CDYL2: variants seen among roughly 807,000 people sequenced by gnomAD.
The protein encoded by CDYL2 is chromodomain Y like 2.
In CDYL2, 23 loss-of-function variants were observed where a neutral mutation model predicts 49.4. That is an observed-to-expected ratio of 0.47 (90% CI 0.34 to 0.66). CDYL2 has a LOEUF of 0.66. Among genes scored for constraint, CDYL2 ranks in the 30% least tolerant of loss-of-function variants. The pLI is 0.01. For synonymous variants in CDYL2, 360 were observed against 268.8 expected, an observed-to-expected ratio of 1.34 and a Z score of -3.32; for missense variants, 678 against 656.4, an observed-to-expected ratio of 1.03 and a Z score of -0.36.
At chr16:80,691,510 G>A (rs7186836) in intron 1 of CDYL2, among the ~76,000 whole-genome samples, 7,075 of 152,226 alleles carry the variant, frequency 0.046, 247 homozygotes, top group African/African-American at 0.1. Flanking sequence ...GGGACTCTGT[G>A]GCATCCAAGT....
At chr16:80,631,840 T>C (rs28641984) in intron 3 of CDYL2, among the ~76,000 whole-genome samples, 8,500 of 152,216 alleles carry the variant, frequency 0.056, 725 homozygotes, top group African/African-American at 0.18. Flanking sequence ...CACAATGAGA[T>C]ACCACCTCAC....
intron 1 of CDYL2, among the ~76,000 whole-genome samples, chr16:80,745,617 G>T (rs779364980): frequency 2.1e-4 from 32 of 152,164 alleles, no homozygotes; most frequent in Non-Finnish European, 7.3e-5. Context: ...GTAAACGTCA[G>T]CTGTTATAAT....
At chr16:80,782,530 GAA>G (rs1188248662) in intron 1 of CDYL2, among the ~76,000 whole-genome samples, 1 of 35,802 alleles carries the variant, frequency 2.8e-5, no homozygotes, top group African/African-American at 9.2e-5. Context: ...GACATAAGGA[GAA>G]AAAAAAAAAA....
intron 1 of CDYL2, among the ~76,000 whole-genome samples, chr16:80,696,684 T>C (rs757559120): frequency 2.0e-5 from 3 of 149,514 alleles, no homozygotes; most frequent in Non-Finnish European, 4.5e-5. Flanking sequence ...GAAACCTGAA[T>C]AGACCAATTA....
At chr16:80,638,533 G>C (rs951364925) in intron 2 of CDYL2, among the ~76,000 whole-genome samples, 1 of 152,132 alleles carries the variant, frequency 6.6e-6, no homozygotes, top group East Asian at 1.9e-4. Context: ...TGATGAGTAA[G>C]AATCCACCTG....
At chr16:80,699,490 C>G (rs1428274650) in intron 1 of CDYL2, among the ~76,000 whole-genome samples, 3 of 151,364 alleles carry the variant, frequency 2.0e-5, no homozygotes, top group South Asian at 2.1e-4. Context: ...GAGAGTAGAA[C>G]AGTAGTTACT....
At chr16:80,771,947 A>AG (rs1399788436) in intron 1 of CDYL2, among the ~76,000 whole-genome samples, 1 of 152,182 alleles carries the variant, frequency 6.6e-6, no homozygotes, top group African/African-American at 2.4e-5. Context: ...ACTGCATATG[A>AG]GGGGAACACC....
chr16:80,804,816 G>A (rs1483884884), upstream of CDYL2, among the ~76,000 whole-genome samples: 1 of 151,246 alleles, frequency 6.6e-6, no homozygotes. Context: ...GCGAAGGGGC[G>A]GCCGGGGAGC....
chr16:80,766,180 T>C (rs1266797149), intron 1 of CDYL2, among the ~76,000 whole-genome samples: 1 of 151,932 alleles, frequency 6.6e-6, no homozygotes, highest in Non-Finnish European at 1.5e-5. Context: ...ATTACGATAA[T>C]GGCTGCACAA....
At chr16:80,670,958 T>G (rs1249944775) in intron 2 of CDYL2, 1 of 455,850 alleles carries the variant, frequency 2.2e-6, no homozygotes, top group East Asian at 7.0e-5. Flanking sequence ...TGGAATAACA[T>G]GAATATCTAA....
chr16:80,761,903 G>C (rs1268425100), intron 1 of CDYL2, among the ~76,000 whole-genome samples: 1 of 133,046 alleles, frequency 7.5e-6, no homozygotes, highest in East Asian at 2.2e-4. Context: ...AAAAAACAAA[G>C]ACTGGCCAGG....
intron 2 of CDYL2, among the ~76,000 whole-genome samples, chr16:80,635,814 T>C (rs1443154649): frequency 6.6e-6 from 1 of 152,130 alleles, no homozygotes; most frequent in Non-Finnish European, 1.5e-5. Context: ...CTTCAAACTA[T>C]ACTACAAAGC....
chr16:80,616,161 A>G (rs1373044031), intron 4 of CDYL2, among the ~76,000 whole-genome samples: 1 of 152,222 alleles, frequency 6.6e-6, no homozygotes, highest in Admixed American at 6.5e-5. Context: ...GTGAAGTCTC[A>G]GTTCTGCCCC....
intron 1 of CDYL2, among the ~76,000 whole-genome samples, chr16:80,739,286 G>C (rs1905649916): frequency 6.6e-6 from 1 of 152,216 alleles, no homozygotes. Flanking sequence ...AATGGGGACA[G>C]AGATTCAGTT....
intron 1 of CDYL2, among the ~76,000 whole-genome samples, chr16:80,741,495 A>G (rs2142551958): frequency 6.6e-6 from 1 of 152,318 alleles, no homozygotes; most frequent in East Asian, 1.9e-4. Context: ...TATGGGGAAA[A>G]TATTTGCAGC....
At chr16:80,716,580 G>A (rs377209969) in intron 1 of CDYL2, among the ~76,000 whole-genome samples, 5 of 152,208 alleles carry the variant, frequency 3.3e-5, no homozygotes, top group South Asian at 2.1e-4. Flanking sequence ...CTGAATGAAT[G>A]GACAGACAGA....
intron 2 of CDYL2, among the ~76,000 whole-genome samples, chr16:80,642,023 T>A (rs4889183): frequency 4.6e-5 from 7 of 151,850 alleles, no homozygotes; most frequent in Non-Finnish European, 1.0e-4. Flanking sequence ...CTACTCTTAT[T>A]AAATAGAAAG....
At chr16:80,788,853 AAAGGACT>A (rs1362665780) in intron 1 of CDYL2, among the ~76,000 whole-genome samples, 1 of 152,188 alleles carries the variant, frequency 6.6e-6, no homozygotes, top group Non-Finnish European at 1.5e-5. Context: ...TGCCCTCATC[AAAGGACT>A]AATACCCAGA....
At chr16:80,698,010 A>G in intron 1 of CDYL2, among the ~76,000 whole-genome samples, 1 of 151,296 alleles carries the variant, frequency 6.6e-6, no homozygotes, top group Admixed American at 6.6e-5. Context: ...CTATAAAAAT[A>G]CCAATGACAT....
Sources: allele counts gnomAD v4.1 joint callset (sites outside exome capture counted in the v4.1 genomes callset), GRCh38; gene constraint gnomAD v4.1.1; transcripts MANE v1.5; gene names NCBI Gene and HGNC (gene_info 2026-07-23, HGNC 2026-07-21).